The following CFAP57 variants were observed in gnomAD, a reference collection of about 807,000 sequenced individuals.
CFAP57 encodes the protein cilia- and flagella-associated protein 57.
Under a neutral mutation model 146.8 loss-of-function variants are expected in CFAP57, and 116 were observed. That is an observed-to-expected ratio of 0.79 (90% CI 0.68 to 0.92). CFAP57 has a LOEUF of 0.92. Ranked by LOEUF, CFAP57 falls within the 40% of genes least tolerant of loss-of-function variation. The pLI is 0.00. For missense variants in CFAP57, 1,377 were observed against 1,527.2 expected, an observed-to-expected ratio of 0.90 and a Z score of 1.64; for synonymous variants, 518 against 552.8, an observed-to-expected ratio of 0.94 and a Z score of 0.88.
chr1:43,188,329 T>G (rs930550538), intron 6 of CFAP57, among the ~76,000 whole-genome samples: 2 of 152,342 alleles, frequency 1.3e-5, no homozygotes, highest in Middle Eastern at 3.4e-3. Flanking sequence ...ATATGGTAAC[T>G]TCATGTTCAA....
At chr1:43,232,961 C>T (rs1645534262) in intron 19 of CFAP57, among the ~76,000 whole-genome samples, 2 of 152,104 alleles carry the variant, frequency 1.3e-5, no homozygotes, top group African/African-American at 2.4e-5. Flanking sequence ...CTTTGATGAC[C>T]GAAAAATTGC....
chr1:43,197,564 T>G lies in CFAP57; in HGVS notation c.1134T>G (p.Ala378=). 6.2e-7 allele frequency: 1 copy of G among 1,614,140 alleles called. No individual in the cohort carries two copies. The highest frequency in any genetic ancestry group is 8.5e-7 in the Non-Finnish European group (1 of 1,180,016). Residue 378 remains alanine, a synonymous_variant, in exon 7 of 23, where the codon GCT becomes GCG. Transcript: ENST00000372492. The part of the protein sequence containing the change: ...SLTEISKGEP[A]HFEYLMYPLH... ...TGTGATTTCTCTAGGGGGAGCCTGC[T>G]CACTTTGAGTATTTGATGTATCCAT...
intron 21 of CFAP57, among the ~76,000 whole-genome samples, chr1:43,237,088 C>T (rs969397436): frequency 2.0e-5 from 3 of 152,076 alleles, no homozygotes; most frequent in Non-Finnish European, 4.4e-5. Context: ...TGATTCCAGA[C>T]CCTCAGTTGG....
chr1:43,219,630 C>G (rs1189331028), intron 13 of CFAP57, 93 bp downstream of exon 13: 1 of 1,407,084 alleles, frequency 7.1e-7, no homozygotes, highest in African/African-American at 1.4e-5. Context: ...TATGCTCAAA[C>G]AGTAAGATAT....
At chr1:43,173,010 T>G in intron 2 of CFAP57, 100 bp downstream of exon 2, 5 of 1,020,102 alleles carry the variant, frequency 4.9e-6, no homozygotes, top group Non-Finnish European at 7.6e-6. Context: ...TTGGCCAATT[T>G]GAATATATAT....
intron 21 of CFAP57, among the ~76,000 whole-genome samples, chr1:43,237,092 CAGTT>C (rs1645735084): frequency 6.6e-6 from 1 of 152,068 alleles, no homozygotes; most frequent in African/African-American, 2.4e-5. Context: ...TCCAGACCCT[CAGTT>C]GGTGACCTTG....
At chr1:43,251,610 G>GA (rs1646328073) in intron 22 of CFAP57, among the ~76,000 whole-genome samples, 1 of 152,256 alleles carries the variant, frequency 6.6e-6, no homozygotes, top group South Asian at 2.1e-4. Flanking sequence ...TTTCACAAAT[G>GA]AAAAAACAAA....
chr1:43,253,176 G>T (rs1646364700), intron 22 of CFAP57, among the ~76,000 whole-genome samples: 1 of 152,144 alleles, frequency 6.6e-6, no homozygotes, highest in Non-Finnish European at 1.5e-5. Flanking sequence ...AACTCACTGG[G>T]GTCTAGCTGG....
rs1013718384 is a variant in CFAP57, at chr1:43,206,621, G to C, written c.1543-99G>C. ...GGCCTACAGCAGGAAAGGACGTTCT[G>C]CTCAGTCTAGTGGAGCACCTAAGGA... On this transcript the variant is annotated intron_variant, in intron 9 of 22. Transcript: ENST00000372492. The C allele has an allele frequency of 9.9e-6, 12 of 1,213,422 alleles. No homozygotes were observed. In the Admixed American group the frequency reaches 1.9e-4, roughly 19 times the overall value. The allele number at this position is 1,213,422 out of a possible 1,614,324, so 75.2% of individuals were successfully genotyped here.
At chr1:43,204,986 G>A (rs1003412351) in intron 9 of CFAP57, among the ~76,000 whole-genome samples, 4 of 152,148 alleles carry the variant, frequency 2.6e-5, no homozygotes, top group Non-Finnish European at 5.9e-5. Flanking sequence ...TGGTAGGCCC[G>A]TTGTGCCAGT....
intron 6 of CFAP57, among the ~76,000 whole-genome samples, chr1:43,188,153 TC>T (rs1643272874): frequency 6.6e-6 from 1 of 152,182 alleles, no homozygotes. Context: ...AGTACTTCAT[TC>T]CTTTTTTATG....
Position 43,185,293 on chromosome 1 carries a change from G to C in CFAP57, c.906G>C (p.Gly302=), listed in dbSNP as rs1394479920. Reference sequence around the variant, plus strand: ...GATTTGCCTGTTCTGCTGGGCCAGGGAGAGTTCTGCTGTTTGAGAAGATGG... The same window carrying C: ...GATTTGCCTGTTCTGCTGGGCCAGGCAGAGTTCTGCTGTTTGAGAAGATGG... ...SKGFACSAGP[G]RVLLFEKMEE... is the part of the protein sequence containing the mutation. The change falls in exon 5 of 23, where the codon GGG becomes GGC. Residue 302 remains glycine, a synonymous_variant. Transcript: ENST00000372492. 6.2e-7 allele frequency: 1 copy of C among 1,614,158 alleles called. No individual in the cohort carries two copies. The highest frequency in any genetic ancestry group is 2.2e-5 in the East Asian group (1 of 44,872).
chr1:43,245,345 T>A (rs1646076071), intron 22 of CFAP57, among the ~76,000 whole-genome samples: 1 of 151,908 alleles, frequency 6.6e-6, no homozygotes, highest in South Asian at 2.1e-4. Context: ...AAAAAAAGTT[T>A]TAAATATGTC....
chr1:43,243,132 G>A, intron 21 of CFAP57, 95 bp from the exon 22 acceptor site: 1 of 1,403,264 alleles, frequency 7.1e-7, no homozygotes, highest in Non-Finnish European at 9.5e-7. Context: ...ACCTAACCCT[G>A]CCCATTCCCC....
At chr1:43,222,350 C>A in intron 15 of CFAP57, 55 bp downstream of exon 15, 1 of 1,370,630 alleles carries the variant, frequency 7.3e-7, no homozygotes, top group South Asian at 1.9e-5. Flanking sequence ...GCCACCCATT[C>A]ACTCAGATCT....
At chr1:43,192,621 C>T (rs1488362826) in intron 6 of CFAP57, among the ~76,000 whole-genome samples, 1 of 147,620 alleles carries the variant, frequency 6.8e-6, no homozygotes, top group South Asian at 2.1e-4. Flanking sequence ...GAAACTCCAT[C>T]TCAAAAATAA....
At chr1:43,192,175 C>A (rs1226474247) in intron 6 of CFAP57, among the ~76,000 whole-genome samples, 1 of 152,154 alleles carries the variant, frequency 6.6e-6, no homozygotes, top group African/African-American at 2.4e-5. Flanking sequence ...ATTCTGGAGA[C>A]TGCTCTATAT....
intron 21 of CFAP57, 58 bp from the exon 22 acceptor site, chr1:43,243,169 T>C: frequency 1.3e-6 from 2 of 1,536,748 alleles, no homozygotes; most frequent in Non-Finnish European, 1.8e-6. Flanking sequence ...AGGGTATGCC[T>C]TGTGCCCACT....
chr1:43,252,151 C>T lies in CFAP57; in HGVS notation c.3539-1826C>T, dbSNP rs533075937. ...CCCCTTATGCATATGGGAAAACTGA[C>T]AAGGATATCTGTTTTAAAAACAAAG... On this transcript the variant is annotated intron_variant, in intron 22 of 22. Coordinates refer to ENST00000372492, the MANE Select transcript of CFAP57 (RefSeq NM_001378189.1). 5.3e-5 allele frequency among the ~76,000 whole-genome samples: 8 copies of T among 151,934 alleles called. No individual in the cohort carries two copies. In the South Asian group the frequency reaches 1.3e-3, roughly 24 times the overall value.
Sources: allele counts gnomAD v4.1 joint callset (sites outside exome capture counted in the v4.1 genomes callset), GRCh38; gene constraint gnomAD v4.1.1; transcripts MANE v1.5; gene names NCBI Gene and HGNC (gene_info 2026-07-23, HGNC 2026-07-21).